The following IFT52 variants were observed in gnomAD, a reference collection of about 807,000 sequenced individuals.
IFT52 encodes intraflagellar transport 52.
A neutral mutation model predicts 54.4 loss-of-function variants in IFT52; 44 were observed. The observed-to-expected ratio is 0.81, with a 90% CI of 0.63 to 1.04. IFT52 has a LOEUF of 1.04. Among genes scored for constraint, IFT52 ranks in the 50% least tolerant of loss-of-function variants. The pLI is 0.00. For synonymous variants in IFT52, 181 were observed against 185.3 expected (o/e 0.98, Z 0.19); for missense variants, 452 against 523.6 (o/e 0.86, Z 1.33).
At chr20:43,645,100 CA>C (rs571954279) in intron 13 of IFT52, among the ~76,000 whole-genome samples, 37 of 42,560 alleles carry the variant, frequency 8.7e-4, no homozygotes, top group Non-Finnish European at 1.0e-3. Flanking sequence ...GAGTAAGACT[CA>C]AAAAAAAAAA....
chr20:43,633,419 A>G (rs1985308878), intron 10 of IFT52, among the ~76,000 whole-genome samples: 1 of 151,714 alleles, frequency 6.6e-6, no homozygotes, highest in African/African-American at 2.4e-5. Context: ...TGATTAAGAC[A>G]GAATTTGGGG....
At chr20:43,614,809 C>CTTT (rs1037730877) in intron 7 of IFT52, among the ~76,000 whole-genome samples, 1 of 134,980 alleles carries the variant, frequency 7.4e-6, no homozygotes, top group African/African-American at 2.7e-5. Context: ...CTTTCTTTTT[C>CTTT]TTTTTTTTTT....
At chr20:43,639,028 C>T (rs1985731078) in intron 12 of IFT52, among the ~76,000 whole-genome samples, 1 of 152,146 alleles carries the variant, frequency 6.6e-6, no homozygotes, top group South Asian at 2.1e-4. Context: ...GGAGGAATCA[C>T]AGAACGGTGA....
At chr20:43,595,627 T>C (rs1266558241) in intron 2 of IFT52, among the ~76,000 whole-genome samples, 1 of 152,186 alleles carries the variant, frequency 6.6e-6, no homozygotes, top group Non-Finnish European at 1.5e-5. Flanking sequence ...GGCTCATGCC[T>C]GTAATCCCAG....
chr20:43,594,730 T>C lies in IFT52; in HGVS notation c.32T>C (p.Phe11Ser). ...AAAGAGCTGCGGAGCACCATTCTTT[T>C]CAATGCCTACAAAAAGGAGATATTT... Reference protein sequence around the residue: MEKELRSTILFNAYKKEIFTT... With the variant: MEKELRSTILSNAYKKEIFTT... The change falls in exon 2 of 14, where the codon TTC (phenylalanine) becomes TCC (serine). Residue 11 changes from phenylalanine (F) to serine (S), a missense_variant. By Grantham distance (155) the Phe-to-Ser change is radical (BLOSUM62 -2). Coordinates refer to ENST00000373030, the MANE Select transcript of IFT52 (RefSeq NM_016004.5). 3 of 1,612,220 alleles carry C rather than the reference T, an allele frequency of 1.9e-6. No individual in the cohort carries two copies. Among genetic ancestry groups the C allele is most frequent in the Non-Finnish European group, 2.5e-6 (3 of 1,178,264 alleles).
intron 6 of IFT52, among the ~76,000 whole-genome samples, chr20:43,607,355 C>T (rs940749637): frequency 1.1e-4 from 16 of 150,690 alleles, no homozygotes; most frequent in African/African-American, 3.4e-4. Context: ...CGGGCGGAGA[C>T]GCTCCTCACT....
At chr20:43,602,205 G>T (rs968690313) in intron 3 of IFT52, among the ~76,000 whole-genome samples, 4 of 150,012 alleles carry the variant, frequency 2.7e-5, no homozygotes, top group African/African-American at 9.8e-5. Context: ...TTGCTCTGTC[G>T]CCAGGCTGGA....
intron 6 of IFT52, among the ~76,000 whole-genome samples, chr20:43,607,646 G>A (rs1169788798): frequency 2.1e-5 from 3 of 143,882 alleles, no homozygotes; most frequent in Non-Finnish European, 4.5e-5. Flanking sequence ...GGGCAGAGAC[G>A]CTCCTCACTT....
chr20:43,611,067 G>T (rs950008704), intron 6 of IFT52, among the ~76,000 whole-genome samples: 1 of 152,208 alleles, frequency 6.6e-6, no homozygotes, highest in African/African-American at 2.4e-5. Flanking sequence ...ATAGTGAAGG[G>T]AATATGTCTA....
intron 6 of IFT52, among the ~76,000 whole-genome samples, chr20:43,609,127 A>C (rs182378466): frequency 7.8e-4 from 119 of 151,866 alleles, no homozygotes; most frequent in African/African-American, 2.7e-3. Context: ...CCATAGGCCC[A>C]GCTACTCTGG....
intron 6 of IFT52, among the ~76,000 whole-genome samples, chr20:43,605,503 C>T (rs112630140): frequency 0.016 from 2,429 of 152,212 alleles, 68 homozygotes; most frequent in African/African-American, 0.056. Context: ...GCCAAGATTA[C>T]GCCACTGCAC....
intron 7 of IFT52, among the ~76,000 whole-genome samples, chr20:43,614,241 CT>C (rs35499151): frequency 4.0e-3 from 581 of 143,922 alleles, no homozygotes; most frequent in African/African-American, 7.8e-3. Flanking sequence ...TGTATTATAA[CT>C]TTTTTTTTTT....
intron 7 of IFT52, among the ~76,000 whole-genome samples, chr20:43,614,546 G>T (rs6073152): frequency 0.71 from 104,469 of 148,122 alleles, 36,807 homozygotes; most frequent in East Asian, 0.79. Context: ...TTTTTTTTTT[G>T]ATCCCATGGC....
intron 6 of IFT52, among the ~76,000 whole-genome samples, chr20:43,609,215 C>G (rs950478008): frequency 6.6e-6 from 1 of 152,114 alleles, no homozygotes; most frequent in Non-Finnish European, 1.5e-5. Context: ...GTACTCCAGC[C>G]TGGGTGACAG....
chr20:43,597,756 T>C (rs1982093880), intron 3 of IFT52, among the ~76,000 whole-genome samples: 1 of 151,840 alleles, frequency 6.6e-6, no homozygotes, highest in Non-Finnish European at 1.5e-5. Context: ...TAGCCGGGCG[T>C]GATGGTGTGC....
At position 43,647,082 on chromosome 20, in the gene IFT52, C is replaced by G. The variant is rs954911404; in HGVS notation, c.*99C>G. 2.9e-6 allele frequency: 3 copies of G among 1,032,950 alleles called. No individual in the cohort carries two copies. The highest frequency in any genetic ancestry group is 2.4e-5 in the East Asian group (1 of 42,208). The allele number at this position is 1,032,950 out of a possible 1,614,324, so 64.0% of individuals were successfully genotyped here. ...TCCTTATCAAAATTGTTTATACACT[C>G]TTTCCTCCATGAGCTCTGGAAGGTA... On this transcript the variant is annotated 3_prime_UTR_variant, in exon 14 of 14. Transcript: ENST00000373030.
intron 6 of IFT52, among the ~76,000 whole-genome samples, chr20:43,607,720 A>G (rs1983060198): frequency 6.7e-6 from 1 of 149,786 alleles, no homozygotes; most frequent in Non-Finnish European, 1.5e-5. Context: ...CCAGGCAGAG[A>G]CGCTCCTCAC....
chr20:43,603,463 G>A (rs575323907), intron 3 of IFT52, among the ~76,000 whole-genome samples: 1 of 152,296 alleles, frequency 6.6e-6, no homozygotes, highest in East Asian at 1.9e-4. Flanking sequence ...GTGGAGACCA[G>A]GGGTGCTGCT....
chr20:43,601,578 A>G (rs1336381991), intron 3 of IFT52, among the ~76,000 whole-genome samples: 2 of 152,230 alleles, frequency 1.3e-5, no homozygotes, highest in Non-Finnish European at 2.9e-5. Context: ...AATAGGACAC[A>G]GTAGATACCA....
Sources: gnomAD v4.1 joint callset for allele counts (sites outside exome capture counted in the v4.1 genomes callset) on GRCh38, gnomAD v4.1.1 for gene constraint, MANE v1.5 for transcripts, NCBI Gene and HGNC (gene_info 2026-07-23, HGNC 2026-07-21) for gene names.